Variants in PFKL observed in about 807,000 individuals in gnomAD.
PFKL encodes the protein phosphofructokinase, liver type.
Under a neutral mutation model 92.1 loss-of-function variants are expected in PFKL, and 74 were observed. The observed-to-expected ratio is 0.80, with a 90% CI of 0.67 to 0.97. The LOEUF is 0.97. PFKL is among the 50% of genes least tolerant of loss of function. The pLI, the probability that PFKL is intolerant of heterozygous loss-of-function variation, is 0.00. For missense variants in PFKL, 1,028 were observed against 1,116.6 expected (o/e 0.92, Z 1.13); for synonymous variants, 494 against 456.4 (o/e 1.08, Z -1.05).
At chr21:44,324,975 G>T in intron 18 of PFKL, 58 bp downstream of exon 18, 1 of 1,504,740 alleles carries the variant, frequency 6.6e-7, no homozygotes, top group Non-Finnish European at 9.1e-7. Context: ...GGGCTGGGGT[G>T]GGGCTGCTGA....
chr21:44,318,428 G>C (rs2047267089), intron 9 of PFKL, 42 bp from the exon 10 acceptor site: 1 of 1,448,052 alleles, frequency 6.9e-7, no homozygotes, highest in Non-Finnish European at 9.2e-7. Flanking sequence ...GCTTGGGGTA[G>C]AGGGACCAAG....
At chr21:44,317,049 G>A (rs2047228231) in intron 9 of PFKL, among the ~76,000 whole-genome samples, 1 of 152,224 alleles carries the variant, frequency 6.6e-6, no homozygotes, top group African/African-American at 2.4e-5. Flanking sequence ...GGAGCATTCG[G>A]GGTCTGGCCT....
At chr21:44,310,222 C>T (rs542651269) in intron 2 of PFKL, among the ~76,000 whole-genome samples, 6 of 152,368 alleles carry the variant, frequency 3.9e-5, no homozygotes, top group South Asian at 2.1e-4. Flanking sequence ...AAGGGCTGGC[C>T]GTGCAGTAGG....
intron 1 of PFKL, chr21:44,305,923 T>C (rs1210824850): frequency 7.3e-7 from 1 of 1,362,520 alleles, no homozygotes; most frequent in African/African-American, 1.5e-5. Context: ...CAGCATCATG[T>C]CCAGGCTGGG....
intron 4 of PFKL, among the ~76,000 whole-genome samples, chr21:44,312,691 C>T (rs1417371915): frequency 1.3e-5 from 2 of 152,222 alleles, no homozygotes; most frequent in Admixed American, 6.5e-5. Flanking sequence ...TGGAAAGTGG[C>T]CTCTCGGAGC....
chr21:44,321,989 G>T, intron 13 of PFKL, 114 bp downstream of exon 13: 1 of 1,445,870 alleles, frequency 6.9e-7, no homozygotes. Context: ...GGGTCCGCGT[G>T]TCGGTGCCCA....
intron 16 of PFKL, 191 bp from the exon 17 acceptor site, chr21:44,324,300 C>T (rs2047437339): frequency 1.6e-6 from 1 of 620,666 alleles, no homozygotes. Flanking sequence ...GGTGGGGTCG[C>T]CTGGTTGAGA....
chr21:44,323,997 G>T, intron 16 of PFKL, 79 bp downstream of exon 16: 2 of 1,546,550 alleles, frequency 1.3e-6, no homozygotes, highest in Admixed American at 1.7e-5. Flanking sequence ...CTGCTGGAGG[G>T]GATAGTGTGT....
chr21:44,324,812 C>A, intron 17 of PFKL, 44 bp from the exon 18 acceptor site: 1 of 1,595,438 alleles, frequency 6.3e-7, no homozygotes, highest in Non-Finnish European at 8.6e-7. Context: ...CTGGAATTCC[C>A]TCCCCACAGT....
At chr21:44,305,560 G>A (rs1193985362) in intron 1 of PFKL, 1 of 844,944 alleles carries the variant, frequency 1.2e-6, no homozygotes, top group East Asian at 6.4e-5. Context: ...GGAAGAGCAG[G>A]GCTGGTCCCA....
intron 2 of PFKL, among the ~76,000 whole-genome samples, chr21:44,308,369 G>A (rs1254900028): frequency 2.0e-5 from 3 of 152,020 alleles, no homozygotes; most frequent in East Asian, 3.8e-4. Flanking sequence ...CTGATATAGC[G>A]GCCCAGGGAA....
At chr21:44,317,216 G>A (rs1051426078) in intron 9 of PFKL, among the ~76,000 whole-genome samples, 3 of 152,224 alleles carry the variant, frequency 2.0e-5, no homozygotes, top group African/African-American at 7.2e-5. Context: ...CTCAGGCAGG[G>A]CCAGAGACTG....
At chr21:44,301,442 T>C (rs1601980998) in intron 1 of PFKL, among the ~76,000 whole-genome samples, 1 of 131,510 alleles carries the variant, frequency 7.6e-6, no homozygotes, top group African/African-American at 3.4e-5. Context: ...GGGGTCCGTG[T>C]TGTCGAGAGG....
At chr21:44,304,436 T>G (rs2040868779) in intron 1 of PFKL, 1 of 1,216,580 alleles carries the variant, frequency 8.2e-7, no homozygotes, top group Non-Finnish European at 1.0e-6. Flanking sequence ...TTGCCCTGCC[T>G]CAGCTGCTGC....
chr21:44,314,066 A>C (rs776707836), intron 7 of PFKL, 45 bp downstream of exon 7: 2 of 1,359,800 alleles, frequency 1.5e-6, no homozygotes, highest in South Asian at 2.5e-5. Flanking sequence ...GTCCTGGTGC[A>C]CTGGGTAGCG....
At chr21:44,324,434 C>G (rs564420991) in intron 16 of PFKL, 57 bp from the exon 17 acceptor site, 58 of 1,577,852 alleles carry the variant, frequency 3.7e-5, no homozygotes, top group Non-Finnish European at 4.5e-5. Context: ...GCCATGCCGA[C>G]GGCCTACAGG....
At chr21:44,302,055 G>A (rs2040790084) in intron 1 of PFKL, among the ~76,000 whole-genome samples, 2 of 152,328 alleles carry the variant, frequency 1.3e-5, no homozygotes, top group African/African-American at 4.8e-5. Flanking sequence ...TGGACAGGCC[G>A]GCTGGGTGGG....
chr21:44,326,776 C>T lies in PFKL; in HGVS notation c.2257C>T (p.Gln753Ter). 1 of 1,610,976 alleles carries T rather than the reference C, an allele frequency of 6.2e-7. No homozygotes were observed. The highest frequency in any genetic ancestry group is 8.5e-7 in the Non-Finnish European group (1 of 1,179,138). ...GCGGCTCATGCTGAAGATGCTGGCACAATACCGCATCAGTATGGCCGCCTA... is the reference window on the plus strand; with the variant it reads ...GCGGCTCATGCTGAAGATGCTGGCATAATACCGCATCAGTATGGCCGCCTA... ...SLRLMLKMLA[Q>*]YRISMAAYVS... is the part of the protein sequence containing the mutation. The change falls in exon 22 of 22, where the codon CAA becomes TAA. Residue 753 changes from glutamine to a stop codon, truncating the protein, a stop_gained. Coordinates refer to ENST00000349048, the MANE Select transcript of PFKL (RefSeq NM_002626.6). LOFTEE classifies it high-confidence loss of function.
intron 12 of PFKL, 26 bp from the exon 13 acceptor site, chr21:44,321,703 A>G (rs2047358837): frequency 6.6e-7 from 1 of 1,520,730 alleles, no homozygotes; most frequent in Non-Finnish European, 8.8e-7. Flanking sequence ...GCTGTGCCTC[A>G]CGCTCATCTC....
Sources: allele counts gnomAD v4.1 joint callset (sites outside exome capture counted in the v4.1 genomes callset), GRCh38; gene constraint gnomAD v4.1.1; transcripts MANE v1.5; gene names NCBI Gene and HGNC (gene_info 2026-07-23, HGNC 2026-07-21).